Variants in SNX24 observed in about 807,000 individuals in gnomAD.
The protein encoded by SNX24 is sorting nexin 24.
A neutral mutation model predicts 28.7 loss-of-function variants in SNX24; 22 were observed. The ratio of observed to expected loss-of-function variants is 0.77; its 90% CI spans 0.55 to 1.10. The LOEUF (loss-of-function observed/expected upper bound fraction) is 1.10. SNX24 is among the 50% of genes least tolerant of loss of function. SNX24 has a pLI of 0.00. For missense variants in SNX24, 221 were observed against 201.1 expected (o/e 1.10, Z -0.60); for synonymous variants, 69 against 71.5 (o/e 0.96, Z 0.18).
At chr5:122,919,770 C>T (rs922367931) in intron 1 of SNX24, among the ~76,000 whole-genome samples, 3 of 152,118 alleles carry the variant, frequency 2.0e-5, no homozygotes, top group Non-Finnish European at 2.9e-5. Flanking sequence ...GGCCAGGTAG[C>T]CTGCTGATAC....
chr5:122,939,850 C>T (rs554954916), intron 2 of SNX24, among the ~76,000 whole-genome samples: 2 of 152,312 alleles, frequency 1.3e-5, no homozygotes, highest in East Asian at 3.9e-4. Flanking sequence ...TCCTAACCTA[C>T]CTCCATCACA....
chr5:122,993,811 G>GT (rs2150169037), intron 3 of SNX24, among the ~76,000 whole-genome samples: 1 of 152,248 alleles, frequency 6.6e-6, no homozygotes, highest in South Asian at 2.1e-4. Flanking sequence ...GTTTTTAGCC[G>GT]TATCTCTGAA....
At chr5:122,930,208 T>C (rs1211266676) in intron 1 of SNX24, among the ~76,000 whole-genome samples, 1 of 152,212 alleles carries the variant, frequency 6.6e-6, no homozygotes, top group Non-Finnish European at 1.5e-5. Context: ...GCTGGGCACT[T>C]TGTCAGCCTT....
At chr5:122,866,446 G>A (rs1316765378) in intron 1 of SNX24, among the ~76,000 whole-genome samples, 3 of 152,156 alleles carry the variant, frequency 2.0e-5, no homozygotes, top group African/African-American at 7.2e-5. Context: ...ACCACGCCCT[G>A]CCATAACTGG....
At chr5:122,928,586 G>A (rs1273734731) in intron 1 of SNX24, among the ~76,000 whole-genome samples, 1 of 151,878 alleles carries the variant, frequency 6.6e-6, no homozygotes, top group East Asian at 2.0e-4. Flanking sequence ...GAATGTAGGT[G>A]GCTGCTAGGA....
intron 1 of SNX24, among the ~76,000 whole-genome samples, chr5:122,876,692 A>G (rs1024280497): frequency 2.0e-5 from 3 of 152,228 alleles, no homozygotes; most frequent in Non-Finnish European, 2.9e-5. Context: ...TTGTTGATCT[A>G]TAATGAATGC....
chr5:123,007,762 G>A lies in SNX24; in HGVS notation c.*13G>A, dbSNP rs747643904. 6.3e-6 allele frequency: 10 copies of A among 1,590,030 alleles called. No individual in the cohort carries two copies. In the South Asian group the frequency reaches 1.2e-4, roughly 19 times the overall value. ...ACAGCCCAGGTAGAAATCCTACATG[G>A]CTAAAAGAAGCAGAAGCAAGTTTCG... On this transcript the variant is annotated 3_prime_UTR_variant, in exon 7 of 7. Transcript: ENST00000261369.
chr5:122,895,994 C>T (rs1473089067), intron 1 of SNX24, among the ~76,000 whole-genome samples: 1 of 151,862 alleles, frequency 6.6e-6, no homozygotes, highest in South Asian at 2.1e-4. Flanking sequence ...ACTAAAAATA[C>T]AAACATTATC....
At position 123,007,663 on chromosome 5, in the gene SNX24, T is replaced by C; in HGVS notation, c.443-19T>C. On this transcript the variant is annotated intron_variant, in intron 6 of 6. Coordinates refer to ENST00000261369, the MANE Select transcript of SNX24 (RefSeq NM_014035.4). ...AGCAGTTTTTCTTTTTTTTTTCTTT[T>C]TTTTTTTCTTTTTTTCAGATTTTCC... 1.3e-6 allele frequency: 2 copies of C among 1,569,246 alleles called. No homozygotes were observed. The highest frequency in any genetic ancestry group is 1.7e-6 in the Non-Finnish European group (2 of 1,163,052).
At chr5:122,911,304 T>G (rs867387311) in intron 1 of SNX24, among the ~76,000 whole-genome samples, 5,518 of 152,282 alleles carry the variant, frequency 0.036, 100 homozygotes, top group Middle Eastern at 0.061. Context: ...TTGCCCACTT[T>G]TTGATGGGGT....
At chr5:123,001,347 T>C (rs1561721208) in intron 4 of SNX24, 58 bp from the exon 5 acceptor site, 14 of 1,173,478 alleles carry the variant, frequency 1.2e-5, no homozygotes, top group Non-Finnish European at 1.8e-5. Context: ...TTTGTTGGCA[T>C]AAACATTGAC....
Position 122,946,040 on chromosome 5 carries a change from A to G in SNX24, c.145-15A>G, listed in dbSNP as rs374288834. ...TTTTTTTTTTTCTTTTTCTTTTCCT[A>G]TTCTGTCTTTATAGCTTAAGAAATG... On this transcript the variant is annotated splice_polypyrimidine_tract_variant and intron_variant, in intron 2 of 6. Coordinates refer to ENST00000261369, the MANE Select transcript of SNX24 (RefSeq NM_014035.4). 54 of 1,284,430 alleles carry G rather than the reference A, an allele frequency of 4.2e-5. No homozygotes were observed. The highest frequency in any genetic ancestry group is 3.3e-4 in the East Asian group (13 of 39,084). 79.6% of individuals were successfully genotyped at this position (1,284,430 alleles called of 1,614,324 possible).
chr5:122,998,968 A>C (rs776194014), intron 3 of SNX24, among the ~76,000 whole-genome samples: 4 of 152,160 alleles, frequency 2.6e-5, no homozygotes, highest in Non-Finnish European at 1.5e-5. Context: ...ATAAGTTATG[A>C]AAAATGACCC....
intron 2 of SNX24, among the ~76,000 whole-genome samples, chr5:122,944,720 GC>G (rs1222960776): frequency 6.6e-6 from 1 of 152,110 alleles, no homozygotes; most frequent in Non-Finnish European, 1.5e-5. Context: ...CAGTACATGG[GC>G]CCCTTCTTCG....
chr5:122,871,443 T>C (rs1755975106), intron 1 of SNX24, among the ~76,000 whole-genome samples: 1 of 152,120 alleles, frequency 6.6e-6, no homozygotes, highest in African/African-American at 2.4e-5. Flanking sequence ...AAAGTGCATC[T>C]AGGAGTGGCT....
At chr5:122,919,490 C>T (rs552841172) in intron 1 of SNX24, among the ~76,000 whole-genome samples, 7 of 151,690 alleles carry the variant, frequency 4.6e-5, no homozygotes, top group African/African-American at 9.7e-5. Context: ...CAAAAAGAAA[C>T]GTGTGCAGGA....
intron 6 of SNX24, 125 bp downstream of exon 6, chr5:123,002,129 C>A: frequency 1.3e-6 from 1 of 778,928 alleles, no homozygotes; most frequent in Non-Finnish European, 2.3e-6. Context: ...GCCAATAAAC[C>A]AGTGCTCTTG....
At chr5:122,895,849 A>G (rs960223620) in intron 1 of SNX24, among the ~76,000 whole-genome samples, 1 of 152,232 alleles carries the variant, frequency 6.6e-6, no homozygotes, top group Non-Finnish European at 1.5e-5. Context: ...CAGAAATGAT[A>G]CAGAAATATA....
intron 3 of SNX24, chr5:122,965,663 G>T: frequency 3.5e-6 from 1 of 286,618 alleles, no homozygotes; most frequent in Non-Finnish European, 7.1e-6. Context: ...TTGGCTGTTG[G>T]GCTTTTATTT....
Sources: gnomAD v4.1 joint callset for allele counts (sites outside exome capture counted in the v4.1 genomes callset) on GRCh38, gnomAD v4.1.1 for gene constraint, MANE v1.5 for transcripts, NCBI Gene and HGNC (gene_info 2026-07-23, HGNC 2026-07-21) for gene names.